The following SHROOM2 variants were observed in gnomAD, a reference collection of about 807,000 sequenced individuals.
The protein encoded by SHROOM2 is protein Shroom2.
A neutral mutation model predicts 75.9 loss-of-function variants in SHROOM2; 33 were observed. The ratio of observed to expected loss-of-function variants is 0.43; its 90% CI spans 0.33 to 0.58. SHROOM2 has a LOEUF of 0.58. SHROOM2 is among the 20% of genes least tolerant of loss of function. The pLI is 0.04. For missense variants in SHROOM2, 1,434 were observed against 1,461.2 expected (o/e 0.98, Z 0.30); for synonymous variants, 655 against 663.6 (o/e 0.99, Z 0.20).
chrX:9,806,004 C>T (rs188379689), intron 1 of SHROOM2, among the ~76,000 whole-genome samples: 71 of 110,772 alleles, frequency 6.4e-4, no homozygotes, highest in African/African-American at 2.1e-3. Context: ...TTCTTCCTCC[C>T]TTCCATCCTG....
chrX:9,855,778 C>G (rs1304618163), intron 1 of SHROOM2, among the ~76,000 whole-genome samples: 1 of 111,528 alleles, frequency 9.0e-6, no homozygotes, highest in Non-Finnish European at 1.9e-5. Flanking sequence ...TCTGCAAACT[C>G]TTGCCCACCA....
At chrX:9,816,038 G>A (rs1569140075) in intron 1 of SHROOM2, among the ~76,000 whole-genome samples, 1 of 112,321 alleles carries the variant, frequency 8.9e-6, no homozygotes, top group Non-Finnish European at 1.9e-5. Flanking sequence ...CAGTGGGATC[G>A]TAGAATATGT....
Position 9,949,029 on chromosome X carries a change from C to A in SHROOM2, c.*2092C>A, listed in dbSNP as rs992242997. On this transcript the variant is annotated 3_prime_UTR_variant, in exon 10 of 10. Coordinates refer to ENST00000380913, the MANE Select transcript of SHROOM2 (RefSeq NM_001649.4). ...GTGTCTGTACTCAGCCTTTTGATGT[C>A]TTTTTAGGACTTTCTCTTCTACACA... 3.5e-5 allele frequency: 6 copies of A among 172,132 alleles called. No individual in the cohort carries two copies. The highest frequency in any genetic ancestry group is 1.8e-4 in the African/African-American group (6 of 33,945). The allele number at this position is 172,132 out of a possible 1,213,427, so 14.2% of individuals were successfully genotyped here. A position where few individuals can be genotyped will look rare whatever the true frequency, so the allele number is the denominator to read the frequency against.
At chrX:9,861,496 T>G (rs1434516751) in intron 1 of SHROOM2, among the ~76,000 whole-genome samples, 2 of 112,056 alleles carry the variant, frequency 1.8e-5, no homozygotes, top group Admixed American at 1.9e-4. Context: ...TAATACCACT[T>G]AAGCTCTGAT....
intron 1 of SHROOM2, among the ~76,000 whole-genome samples, chrX:9,801,270 G>C (rs2083722811): frequency 8.9e-6 from 1 of 112,107 alleles, no homozygotes; most frequent in African/African-American, 3.2e-5. Flanking sequence ...TCTCCCACCA[G>C]GTCCCTCCCA....
chrX:9,787,992 C>CTTTTTTTTTTTTTTTTTTTTTT (rs58004470), intron 1 of SHROOM2, among the ~76,000 whole-genome samples: 15 of 84,218 alleles, frequency 1.8e-4, no homozygotes, highest in African/African-American at 5.9e-4. Context: ...TTTCTTTCTT[C>CTTTTTTTTTTTTTTTTTTTTTT]TTTTTTTTTT....
intron 6 of SHROOM2, 44 bp downstream of exon 6, chrX:9,932,914 G>A (rs1602015654): frequency 9.3e-7 from 1 of 1,079,705 alleles, no homozygotes; most frequent in Non-Finnish European, 1.2e-6. Context: ...GGCTCCTAAT[G>A]TGGGACGCGG....
chrX:9,836,125 T>TGGCCCA (rs908920829), intron 1 of SHROOM2, among the ~76,000 whole-genome samples: 75 of 112,292 alleles, frequency 6.7e-4, no homozygotes, highest in South Asian at 1.5e-3. Context: ...AGATCAGCCC[T>TGGCCCA]GGCCCAGGCC....
Position 9,896,106 on chromosome X carries a change from C to G in SHROOM2, c.2198C>G (p.Ala733Gly). Residue 733 changes from alanine (A) to glycine (G), a missense_variant, in exon 4 of 10, where the codon GCC becomes GGC. Physicochemically the swap from Ala to Gly is moderately conservative, Grantham distance 60. Transcript: ENST00000380913. ...TVPHFWEAGL[A>G]QPPSSTSGGP... Reference sequence around the variant, plus strand: ...CCCCACTTCTGGGAGGCAGGCCTGGCCCAGCCACCCTCATCTACAAGTGGC... The same window carrying G: ...CCCCACTTCTGGGAGGCAGGCCTGGGCCAGCCACCCTCATCTACAAGTGGC... 1 of 1,209,721 alleles carries G rather than the reference C, an allele frequency of 8.3e-7. No homozygotes were observed. The highest frequency in any genetic ancestry group is 1.1e-6 in the Non-Finnish European group (1 of 894,809).
intron 5 of SHROOM2, among the ~76,000 whole-genome samples, chrX:9,905,504 G>A (rs1312905415): frequency 1.8e-5 from 2 of 112,931 alleles, no homozygotes; most frequent in African/African-American, 6.4e-5. Context: ...GCTCACCACC[G>A]CCTCCAACGC....
rs1307357809 is a variant in SHROOM2 at position 9,932,569 on chromosome X, A to T, written c.3286A>T (p.Thr1096Ser). ...GGGCGTCCTCGGCAGGCCCTTCCCA[A>T]CGCCATCCCCTGCGTCCCTGGATGT... ...PVGVLGRPFP[T>S]PSPASLDVYV... is the part of the protein sequence containing the mutation. Residue 1096 changes from threonine to serine, a missense_variant, in exon 6 of 10, where the codon ACG (threonine) becomes TCG (serine). Physicochemically the swap from Thr to Ser is moderately conservative, Grantham distance 58. Transcript: ENST00000380913. 10 of 1,211,055 alleles carry T rather than the reference A, an allele frequency of 8.3e-6. No homozygotes were observed. In the East Asian group the frequency reaches 3.0e-4, roughly 36 times the overall value.
At chrX:9,921,922 A>G (rs969029542) in intron 5 of SHROOM2, among the ~76,000 whole-genome samples, 8 of 111,862 alleles carry the variant, frequency 7.2e-5, no homozygotes, top group Non-Finnish European at 9.4e-5. Flanking sequence ...ACTATTCACA[A>G]TAGTTCATGT....
intron 1 of SHROOM2, among the ~76,000 whole-genome samples, chrX:9,800,209 T>C (rs1039375600): frequency 8.9e-6 from 1 of 112,046 alleles, no homozygotes; most frequent in Non-Finnish European, 1.9e-5. Context: ...CATGACAGAC[T>C]CTTGAGACCT....
In SHROOM2 at chrX:9,823,015, C is replaced by G. The variant is rs941211671; in HGVS notation, c.165+36305C>G. Among the ~76,000 whole-genome samples the G allele has an allele frequency of 2.3e-3, 166 of 73,107 alleles. 2 individuals are homozygous for G. The highest frequency in any genetic ancestry group is 9.5e-3 in the African/African-American group (145 of 15,290). 63.5% of individuals were successfully genotyped at this position (73,107 alleles called of 115,157 possible). On this transcript the variant is annotated intron_variant, in intron 1 of 9. Transcript: ENST00000380913. Reference sequence around the variant, plus strand: ...TCTTCTTCTTCTTCTTCTTCTTCTTCTCCTTCTCCTTCTCCTCCTCCTCCT... The same window carrying G: ...TCTTCTTCTTCTTCTTCTTCTTCTTGTCCTTCTCCTTCTCCTCCTCCTCCT...
chrX:9,912,361 G>A (rs1454918525), intron 5 of SHROOM2: 4 of 111,273 alleles, frequency 3.6e-5, no homozygotes, highest in Non-Finnish European at 7.5e-5. Flanking sequence ...AGTTGCTGAT[G>A]AAGTGATGGG....
intron 1 of SHROOM2, among the ~76,000 whole-genome samples, chrX:9,849,490 C>A (rs773219814): frequency 8.9e-6 from 1 of 112,030 alleles, no homozygotes. Flanking sequence ...CTAAGCTGGG[C>A]GGGCGTGGCT....
chrX:9,789,489 A>G (rs1223478014), intron 1 of SHROOM2, among the ~76,000 whole-genome samples: 3 of 111,584 alleles, frequency 2.7e-5, no homozygotes, highest in African/African-American at 9.8e-5. Context: ...AATAACATCC[A>G]TGCTGTAGGA....
chrX:9,788,119 C>T (rs2083626748), intron 1 of SHROOM2, among the ~76,000 whole-genome samples: 2 of 109,484 alleles, frequency 1.8e-5, no homozygotes, highest in South Asian at 7.8e-4. Context: ...CACCATTTTG[C>T]CCAGGCTGGT....
chrX:9,792,159 T>TAATAGAATAGAATAGAATAGAAAAAGAA lies in SHROOM2; in HGVS notation c.165+5452_165+5453insAGAATAGAATAGAATAGAAAAAGAAAAT, dbSNP rs1555919910. 2.7e-4 allele frequency among the ~76,000 whole-genome samples: 2 copies of TAATAGAATAGAATAGAATAGAAAAAGAA among 7,413 alleles called. 1 individual carries two copies. The highest frequency in any genetic ancestry group is 6.5e-4 in the African/African-American group (2 of 3,057). 6.4% of individuals were successfully genotyped at this position (7,413 alleles called of 115,157 possible). A position where few individuals can be genotyped will look rare whatever the true frequency, so the allele number is the denominator to read the frequency against. The stretch of plus-strand genomic sequence containing the variant: ...TAGAATAGAATAGAATAGAATAGAA[T>TAATAGAATAGAATAGAATAGAAAAAGAA]AATCACCAGTATCTGATACAGGGAG... On this transcript the variant is annotated intron_variant, in intron 1 of 9. Transcript: ENST00000380913.
Sources: gnomAD v4.1 joint callset for allele counts (sites outside exome capture counted in the v4.1 genomes callset) on GRCh38, gnomAD v4.1.1 for gene constraint, MANE v1.5 for transcripts, NCBI Gene and HGNC (gene_info 2026-07-23, HGNC 2026-07-21) for gene names.